OSBPL3: variants seen among roughly 807,000 people sequenced by gnomAD.
OSBPL3 encodes oxysterol-binding protein-related protein 3.
In OSBPL3, 65 loss-of-function variants were observed where a neutral mutation model predicts 120.1. The ratio of observed to expected loss-of-function variants is 0.54; its 90% CI spans 0.44 to 0.67. The LOEUF (loss-of-function observed/expected upper bound fraction) is 0.67. Ranked by LOEUF, OSBPL3 falls within the 30% of genes least tolerant of loss-of-function variation. The pLI is 0.00. For missense variants in OSBPL3, 1,004 were observed against 1,082.1 expected (o/e 0.93, Z 1.01); for synonymous variants, 416 against 402.6 (o/e 1.03, Z -0.40).
chr7:24,861,490 T>C (rs1800526603), intron 10 of OSBPL3, 123 bp downstream of exon 10: 1 of 590,732 alleles, frequency 1.7e-6, no homozygotes, highest in South Asian at 3.4e-5. Context: ...AGATTAGGTT[T>C]CCCTAAATCT....
In OSBPL3 at chr7:24,854,164, C is replaced by A. The variant is rs1031950055; in HGVS notation, c.1028-1530G>T. Among the ~76,000 whole-genome samples, 2 of 151,396 alleles carry A rather than the reference C, an allele frequency of 1.3e-5. No individual in the cohort carries two copies. Among genetic ancestry groups the A allele is most frequent in the Non-Finnish European group, 2.9e-5 (2 of 67,994 alleles). On this transcript the variant is annotated intron_variant, in intron 10 of 22. Transcript: ENST00000313367. The surrounding 1 kb of genome is among the most constrained non-coding windows in gnomAD (Gnocchi z 4.1). ...GGAAGCTGTTATCTAAATTACTGAT[C>A]GTGGCTATCACATTTGAATATTATC...
rs751720929 is a variant in OSBPL3, at chr7:24,896,855, T to C, written c.-149-4234A>G. On this transcript the variant is annotated intron_variant, in intron 1 of 22. Transcript: ENST00000313367. This position sits in a 1 kb window ranked among gnomAD's most constrained non-coding sequence, Gnocchi z 4.4. ...AGGAGGTGGACGCGACTGGATTACT[T>C]GAGGTCAGGAGTTCAAGACCAGCCT... is the stretch of plus-strand genomic sequence containing the variant. 4.6e-5 allele frequency among the ~76,000 whole-genome samples: 7 copies of C among 152,158 alleles called. No homozygotes were observed. The highest frequency in any genetic ancestry group is 7.3e-5 in the Non-Finnish European group (5 of 68,032).
In OSBPL3 at chr7:24,851,950, T is replaced by C. The variant is rs989321918; in HGVS notation, c.1158+554A>G. Among the ~76,000 whole-genome samples, 5 of 152,226 alleles carry C rather than the reference T, an allele frequency of 3.3e-5. No individual in the cohort carries two copies. The highest frequency in any genetic ancestry group is 3.3e-4 in the Admixed American group (5 of 15,286). On this transcript the variant is annotated intron_variant, in intron 11 of 22. Coordinates refer to ENST00000313367, the MANE Select transcript of OSBPL3 (RefSeq NM_015550.4). This position sits in a 1 kb window ranked among gnomAD's most constrained non-coding sequence, Gnocchi z 4.1. ...GGCACTTTCATGTGACTCATCTCTT[T>C]GTAGCCACAGTAGGGGGGCAGGGCA...
rs1163632796 is a variant in OSBPL3 at position 24,904,206 on chromosome 7, G to A, written c.-149-11585C>T. Among the ~76,000 whole-genome samples, 3 of 152,160 alleles carry A rather than the reference G, an allele frequency of 2.0e-5. No individual in the cohort carries two copies. The East Asian group carries it at 5.8e-4, about 29-fold the overall frequency. ...CCACTGGATGTTTTCTTAACAGCAT[G>A]ACAAGGAAGACTTACTCCCTCTTCC... On this transcript the variant is annotated intron_variant, in intron 1 of 22. Transcript: ENST00000313367.
chr7:24,943,737 C>G (rs1305103956), intron 1 of OSBPL3, among the ~76,000 whole-genome samples: 3 of 152,148 alleles, frequency 2.0e-5, no homozygotes, highest in Admixed American at 6.5e-5. Context: ...AAAGCTTTCA[C>G]GTTCCCTGGT....
chr7:24,845,862 T>G (rs1205289404), intron 12 of OSBPL3, among the ~76,000 whole-genome samples: 1 of 152,202 alleles, frequency 6.6e-6, no homozygotes, highest in Non-Finnish European at 1.5e-5. Context: ...TTAAATTGCT[T>G]TCAGCAGGGC....
chr7:24,963,659 T>G (rs944539303), intron 1 of OSBPL3, among the ~76,000 whole-genome samples: 6 of 152,190 alleles, frequency 3.9e-5, no homozygotes, highest in African/African-American at 1.2e-4. Context: ...GGGGCAGGAC[T>G]ACAAGTTCAG....
At chr7:24,903,511 A>T (rs1373833699) in intron 1 of OSBPL3, among the ~76,000 whole-genome samples, 2 of 152,236 alleles carry the variant, frequency 1.3e-5, no homozygotes, top group African/African-American at 4.8e-5. Context: ...TTCTATGCAA[A>T]TGTAACCCTA....
At chr7:24,841,694 CAA>C (rs67988881) in intron 13 of OSBPL3, among the ~76,000 whole-genome samples, 681 of 12,072 alleles carry the variant, frequency 0.056, 17 homozygotes, top group African/African-American at 0.14. Flanking sequence ...GACTATGTCT[CAA>C]AAAAAAAAAA....
At position 24,818,868 on chromosome 7, in the gene OSBPL3, T is replaced by A. The variant is rs1016700010; in HGVS notation, c.1948+1307A>T. On this transcript the variant is annotated intron_variant, in intron 17 of 22. Transcript: ENST00000313367. The surrounding 1 kb of genome is among the most constrained non-coding windows in gnomAD (Gnocchi z 4.0). ...TCAGGAAAAGGCTGATGGGGAAGTA[T>A]GGCCTAGGAGAAGGATGCTAAGGCT... Among the ~76,000 whole-genome samples, 1 of 152,078 alleles carries A rather than the reference T, an allele frequency of 6.6e-6. No individual in the cohort carries two copies. The highest frequency in any genetic ancestry group is 1.5e-5 in the Non-Finnish European group (1 of 68,030).
chr7:24,888,282 C>G (rs1319179684), intron 2 of OSBPL3, among the ~76,000 whole-genome samples: 1 of 152,182 alleles, frequency 6.6e-6, no homozygotes, highest in Non-Finnish European at 1.5e-5. Flanking sequence ...TATCCTGAGT[C>G]TGACCCTGGA....
chr7:24,876,258 T>G (rs1219313628), intron 2 of OSBPL3, among the ~76,000 whole-genome samples: 1 of 152,228 alleles, frequency 6.6e-6, no homozygotes, highest in Admixed American at 6.5e-5. Flanking sequence ...AATCTTCTCT[T>G]GATCTTTTCC....
chr7:24,863,535 C>T lies in OSBPL3; in HGVS notation c.738G>A (p.Leu246=), dbSNP rs1179530473. The T allele has an allele frequency of 2.5e-6, 4 of 1,614,120 alleles. No homozygotes were observed. The highest frequency in any genetic ancestry group is 3.4e-6 in the Non-Finnish European group (4 of 1,179,962). ...TAGCTGGTGCCGAGTATGTCCGATG[C>T]AGGACGTCCATGCTTTGCAGGAGCT... ...MSQLLQSMDV[L]HRTYSAPAIN... Residue 246 remains leucine, a synonymous_variant, in exon 8 of 23, where the codon CTG becomes CTA. Coordinates refer to ENST00000313367, the MANE Select transcript of OSBPL3 (RefSeq NM_015550.4). The surrounding 1 kb of genome is among the most constrained non-coding windows in gnomAD (Gnocchi z 5.8).
rs116499896 is a variant in OSBPL3 at position 24,847,826 on chromosome 7, A to G, written c.1266+1243T>C. Among the ~76,000 whole-genome samples the G allele has an allele frequency of 5.4e-3, 830 of 152,326 alleles. 8 individuals are homozygous for G. Among genetic ancestry groups the G allele is most frequent in the African/African-American group, 0.019 (799 of 41,566 alleles). The stretch of plus-strand genomic sequence containing the variant: ...TGTTTTTAGCCAATGTGCAGACTCA[A>G]AAGAGGGCCTGCCCAGGCCTAAGGT... On this transcript the variant is annotated intron_variant, in intron 12 of 22. Transcript: ENST00000313367.
At position 24,953,518 on chromosome 7, in the gene OSBPL3, A is replaced by T. The variant is rs1464907019; in HGVS notation, c.-150+26368T>A. Among the ~76,000 whole-genome samples the T allele has an allele frequency of 6.6e-6, 1 of 152,246 alleles. No individual in the cohort carries two copies. The highest frequency in any genetic ancestry group is 1.5e-5 in the Non-Finnish European group (1 of 68,046). ...ATCTTAAATAAAAGTTTATTAATTG[A>T]ACATTCATTATTACTCTCAGTATGA... On this transcript the variant is annotated intron_variant, in intron 1 of 22. Coordinates refer to ENST00000313367, the MANE Select transcript of OSBPL3 (RefSeq NM_015550.4). This position sits in a 1 kb window ranked among gnomAD's most constrained non-coding sequence, Gnocchi z 4.3.
At chr7:24,878,277 T>A (rs948362565) in intron 2 of OSBPL3, among the ~76,000 whole-genome samples, 1 of 152,184 alleles carries the variant, frequency 6.6e-6, no homozygotes, top group Non-Finnish European at 1.5e-5. Flanking sequence ...CGATTAAAAC[T>A]TTTATTCTTC....
At position 24,863,627 on chromosome 7, in the gene OSBPL3, C is replaced by T; in HGVS notation, c.674-28G>A. On this transcript the variant is annotated intron_variant, in intron 7 of 22. Transcript: ENST00000313367. The surrounding 1 kb of genome is among the most constrained non-coding windows in gnomAD (Gnocchi z 5.8). ...GTGGGGGAAAAGAGGACAGTGCTCA[C>T]AATGCTCCACTAGCAAGAGGGATCA... 1.4e-6 allele frequency: 2 copies of T among 1,380,646 alleles called. No individual in the cohort carries two copies. Among genetic ancestry groups the T allele is most frequent in the African/African-American group, 1.4e-5 (1 of 70,552 alleles). 85.5% of individuals were successfully genotyped at this position (1,380,646 alleles called of 1,614,324 possible).
chr7:24,917,466 TATACAC>T (rs1359417729), intron 1 of OSBPL3, among the ~76,000 whole-genome samples: 23 of 121,176 alleles, frequency 1.9e-4, no homozygotes, highest in South Asian at 1.9e-3. Flanking sequence ...TATATATATA[TATACAC>T]ACACACACAC....
rs1354896894 is a variant in OSBPL3, at chr7:24,955,956, A to C, written c.-150+23930T>G. Among the ~76,000 whole-genome samples the C allele has an allele frequency of 2.0e-5, 3 of 152,134 alleles. No homozygotes were observed. Among genetic ancestry groups the C allele is most frequent in the African/African-American group, 7.2e-5 (3 of 41,400 alleles). Reference sequence around the variant, plus strand: ...ACTAGTTCTTGGTCCTGCTGAGGAAACCCTATGAGTTTCTCATTTGTAGCT... The same window carrying C: ...ACTAGTTCTTGGTCCTGCTGAGGAACCCCTATGAGTTTCTCATTTGTAGCT... On this transcript the variant is annotated intron_variant, in intron 1 of 22. Transcript: ENST00000313367. This position sits in a 1 kb window ranked among gnomAD's most constrained non-coding sequence, Gnocchi z 4.3.
Sources: allele counts gnomAD v4.1 joint callset (sites outside exome capture counted in the v4.1 genomes callset), GRCh38; gene constraint gnomAD v4.1.1; non-coding constraint Gnocchi (gnomAD v3.1); transcripts MANE v1.5; gene names NCBI Gene and HGNC (gene_info 2026-07-23, HGNC 2026-07-21).